Variants in TBCK observed in about 807,000 individuals in gnomAD.
TBCK encodes TBC domain-containing protein kinase-like protein.
In TBCK, 99 loss-of-function variants were observed where a neutral mutation model predicts 113.4. The observed-to-expected ratio is 0.87, with a 90% CI of 0.74 to 1.03. The LOEUF (loss-of-function observed/expected upper bound fraction) is 1.03, where lower values mean the gene tolerates loss of function less well. Ranked by LOEUF, TBCK falls within the 50% of genes least tolerant of loss-of-function variation. TBCK has a pLI of 0.00. For synonymous variants in TBCK, 369 were observed against 370.8 expected (o/e 1.00, Z 0.05); for missense variants, 1,045 against 1,061.3 (o/e 0.98, Z 0.21).
intron 22 of TBCK, among the ~76,000 whole-genome samples, chr4:106,176,464 A>G (rs2149757917): frequency 6.6e-6 from 1 of 152,238 alleles, no homozygotes; most frequent in Non-Finnish European, 1.5e-5. Flanking sequence ...TATTTCACTT[A>G]ATGTGATGAC....
intron 24 of TBCK, among the ~76,000 whole-genome samples, chr4:106,105,837 A>G (rs895006628): frequency 5.9e-5 from 9 of 152,248 alleles, no homozygotes; most frequent in African/African-American, 2.2e-4. Flanking sequence ...TCCAGTAACT[A>G]AAGTGGCCAG....
At chr4:106,069,908 T>C (rs930257898) in intron 25 of TBCK, among the ~76,000 whole-genome samples, 4 of 152,214 alleles carry the variant, frequency 2.6e-5, no homozygotes, top group African/African-American at 4.8e-5. Context: ...TTGTAGCAGT[T>C]GTGAATGGGA....
chr4:106,231,779 C>T lies in TBCK; in HGVS notation c.1640G>A (p.Gly547Asp). ...VSHPDLVYWQ[G>D]LDSLCAPFLY... ...GAATGGAGCACAAAGTGAGTCAAGA[C>T]CTAACACAGAGGGGTTGGGAGAAAG... The change falls in exon 18 of 26, where the codon GGT becomes GAT. Residue 547 changes from glycine (G) to aspartate (D), a missense_variant and splice_region_variant. By Grantham distance (94) the Gly-to-Asp change is moderately conservative. Coordinates refer to ENST00000394708, the MANE Select transcript of TBCK (RefSeq NM_001163435.3). 2 of 1,609,302 alleles carry T rather than the reference C, an allele frequency of 1.2e-6. No homozygotes were observed. Among genetic ancestry groups the T allele is most frequent in the Non-Finnish European group, 1.7e-6 (2 of 1,177,580 alleles).
intron 22 of TBCK, among the ~76,000 whole-genome samples, chr4:106,180,619 G>C (rs1355473920): frequency 6.6e-6 from 1 of 151,896 alleles, no homozygotes; most frequent in African/African-American, 2.4e-5. Flanking sequence ...CACTTACGAG[G>C]GGGAACATGC....
chr4:106,080,309 A>G (rs1227876076), intron 25 of TBCK, among the ~76,000 whole-genome samples: 8 of 152,188 alleles, frequency 5.3e-5, no homozygotes, highest in Non-Finnish European at 8.8e-5. Flanking sequence ...AAACAGCATG[A>G]TACTGGTACA....
At chr4:106,083,509 T>C (rs1739140695) in intron 25 of TBCK, among the ~76,000 whole-genome samples, 1 of 152,202 alleles carries the variant, frequency 6.6e-6, no homozygotes, top group Non-Finnish European at 1.5e-5. Context: ...CCTCTCCTCC[T>C]GGTAGTTCTG....
chr4:106,104,916 G>A (rs1741963617), intron 24 of TBCK, among the ~76,000 whole-genome samples: 1 of 152,196 alleles, frequency 6.6e-6, no homozygotes, highest in Non-Finnish European at 1.5e-5. Context: ...ACAGAAAAGT[G>A]GGCAGACTAT....
chr4:106,284,323 C>A (rs1436778727), intron 3 of TBCK, among the ~76,000 whole-genome samples: 2 of 152,028 alleles, frequency 1.3e-5, no homozygotes, highest in Non-Finnish European at 2.9e-5. Context: ...AACTCTGGAC[C>A]ACATTCCAGA....
At chr4:106,069,167 T>C (rs932653376) in intron 25 of TBCK, among the ~76,000 whole-genome samples, 2 of 152,236 alleles carry the variant, frequency 1.3e-5, no homozygotes, top group African/African-American at 4.8e-5. Flanking sequence ...CATTTGTCAA[T>C]TTTGGCTTTT....
intron 2 of TBCK, among the ~76,000 whole-genome samples, chr4:106,304,458 TA>T (rs1232462573): frequency 6.6e-6 from 1 of 152,212 alleles, no homozygotes; most frequent in African/African-American, 2.4e-5. Flanking sequence ...TATAAAGCTT[TA>T]AATTGATATT....
At chr4:106,141,451 T>C (rs1284805941) in intron 23 of TBCK, among the ~76,000 whole-genome samples, 1 of 140,260 alleles carries the variant, frequency 7.1e-6, no homozygotes, top group Admixed American at 7.0e-5. Flanking sequence ...ATCACCATTT[T>C]ATGAACAAGG....
Position 106,242,981 on chromosome 4 carries a change from C to A in TBCK, c.1071-412G>T, listed in dbSNP as rs986533267. ...TGCGGTGTTTGGTTTTTTGTTCTTG[C>A]GATAGTTTACTGAGAATGATGATTT... is the stretch of plus-strand genomic sequence containing the variant. On this transcript the variant is annotated intron_variant, in intron 11 of 25. Coordinates refer to ENST00000394708, the MANE Select transcript of TBCK (RefSeq NM_001163435.3). 1.1e-4 allele frequency among the ~76,000 whole-genome samples: 16 copies of A among 150,446 alleles called. 1 individual carries two copies. Among genetic ancestry groups the A allele is most frequent in the African/African-American group, 3.9e-4 (16 of 40,998 alleles).
At chr4:106,213,459 G>C (rs1579260616) in intron 19 of TBCK, 1 of 162,418 alleles carries the variant, frequency 6.2e-6, no homozygotes. Context: ...TGAGGTACCG[G>C]GTTCATCTCA....
intron 19 of TBCK, among the ~76,000 whole-genome samples, chr4:106,215,181 C>A (rs1756720350): frequency 6.6e-6 from 1 of 151,474 alleles, no homozygotes; most frequent in South Asian, 2.1e-4. Flanking sequence ...ATTTTGTCAC[C>A]ACCAGGCCTG....
intron 25 of TBCK, among the ~76,000 whole-genome samples, chr4:106,079,315 C>T (rs1254993575): frequency 6.6e-6 from 1 of 152,096 alleles, no homozygotes; most frequent in Admixed American, 6.6e-5. Flanking sequence ...CACTGGAAGT[C>T]TTAGCCAGGG....
At chr4:106,289,802 G>A (rs1408009197) in intron 3 of TBCK, among the ~76,000 whole-genome samples, 2 of 150,602 alleles carry the variant, frequency 1.3e-5, no homozygotes, top group Non-Finnish European at 3.0e-5. Flanking sequence ...GACGATTGAT[G>A]TATTATCAGA....
chr4:106,125,670 T>C (rs901944899), intron 23 of TBCK, among the ~76,000 whole-genome samples: 1 of 151,834 alleles, frequency 6.6e-6, no homozygotes, highest in Non-Finnish European at 1.5e-5. Context: ...CTCATGGAAG[T>C]AGAGAGTAGA....
intron 5 of TBCK, among the ~76,000 whole-genome samples, 164 bp downstream of exon 5, chr4:106,260,273 T>C (rs547514870): frequency 2.0e-5 from 3 of 152,078 alleles, no homozygotes; most frequent in Non-Finnish European, 4.4e-5. Context: ...GAAAAACTCA[T>C]TGTCTACTCA....
chr4:106,121,841 A>C (rs1383557080), intron 23 of TBCK, among the ~76,000 whole-genome samples: 2 of 152,142 alleles, frequency 1.3e-5, no homozygotes, highest in East Asian at 1.9e-4. Flanking sequence ...ACAAAGACAC[A>C]ACATACCAGA....
Sources: gnomAD v4.1 joint callset for allele counts (sites outside exome capture counted in the v4.1 genomes callset) on GRCh38, gnomAD v4.1.1 for gene constraint, MANE v1.5 for transcripts, NCBI Gene and HGNC (gene_info 2026-07-23, HGNC 2026-07-21) for gene names.